The following PARP1 variants were observed in gnomAD, a reference collection of about 807,000 sequenced individuals.
The protein encoded by PARP1 is poly(ADP-ribose) polymerase 1, also known as poly [ADP-ribose] polymerase 1.
Under a neutral mutation model 118.7 loss-of-function variants are expected in PARP1, and 44 were observed. The ratio of observed to expected loss-of-function variants is 0.37; its 90% CI spans 0.29 to 0.48. The LOEUF is 0.48. PARP1 is among the 20% of genes least tolerant of loss of function. The probability of loss-of-function intolerance (pLI) is 0.99; values close to 1 mark genes in which losing one functional copy is unlikely to be tolerated. For synonymous variants in PARP1, 492 were observed against 483.2 expected (o/e 1.02, Z -0.24); for missense variants, 1,100 against 1,272.4 (o/e 0.86, Z 2.06).
At chr1:226,369,289 T>C (rs1432588348) in intron 15 of PARP1, among the ~76,000 whole-genome samples, 1 of 152,248 alleles carries the variant, frequency 6.6e-6, no homozygotes, top group African/African-American at 2.4e-5. Context: ...GGCCCACTTC[T>C]GCTTCCTGTG....
At chr1:226,388,011 A>G (rs1490945152) in intron 5 of PARP1, among the ~76,000 whole-genome samples, 1 of 152,248 alleles carries the variant, frequency 6.6e-6, no homozygotes, top group Non-Finnish European at 1.5e-5. Flanking sequence ...GATGGTTCAT[A>G]GAAATCATGT....
In PARP1 at chr1:226,361,083, A is replaced by T. The variant is rs80076717; in HGVS notation, c.*377T>A. The T allele has an allele frequency of 4.2e-3, 1,119 of 267,246 alleles. 13 individuals are homozygous for T. Among genetic ancestry groups the T allele is most frequent in the African/African-American group, 0.021 (963 of 46,056 alleles). The allele number at this position is 267,246 out of a possible 1,614,324, so 16.6% of individuals were successfully genotyped here. ...AAATCAAAACTAAAGACGAACACTT[A>T]GAAAAAAGGGTGGAAGTGTATTTTT... On this transcript the variant is annotated 3_prime_UTR_variant, in exon 23 of 23. Coordinates refer to ENST00000366794, the MANE Select transcript of PARP1 (RefSeq NM_001618.4).
Position 226,384,798 on chromosome 1 carries a change from T to C in PARP1, c.1011+706A>G, listed in dbSNP as rs149780519. ...GTAGGTGTAGAGCGAGTAATGTCGA[T>C]AGTTACTCAGGTAACGATTCCTGAG... On this transcript the variant is annotated intron_variant, in intron 7 of 22. Coordinates refer to ENST00000366794, the MANE Select transcript of PARP1 (RefSeq NM_001618.4). Among the ~76,000 whole-genome samples, 87 of 148,990 alleles carry C rather than the reference T, an allele frequency of 5.8e-4. No individual in the cohort carries two copies. The East Asian group carries it at 0.013, about 23-fold the overall frequency.
chr1:226,385,973 C>G (rs1664708954), intron 6 of PARP1, among the ~76,000 whole-genome samples: 1 of 152,172 alleles, frequency 6.6e-6, no homozygotes, highest in Non-Finnish European at 1.5e-5. Flanking sequence ...CAGTGCCAAG[C>G]CAACTCCCAA....
chr1:226,403,694 A>G (rs1239159165), intron 1 of PARP1, among the ~76,000 whole-genome samples: 1 of 152,190 alleles, frequency 6.6e-6, no homozygotes, highest in East Asian at 1.9e-4. Flanking sequence ...ATGATTTGAC[A>G]CTATGATTCC....
Position 226,390,509 on chromosome 1 carries a change from C to T in PARP1, c.518G>A (p.Arg173Gln), listed in dbSNP as rs200399922. ...GAGCTGACTCGCACTGTACTCGGGC[C>T]GGAAACCCAGCTCCTCCCTGTTCTT... is the stretch of plus-strand genomic sequence containing the variant. ...FVKNREELGF[R>Q]PEYSASQLKG... is the part of the protein sequence containing the mutation. Residue 173 changes from arginine (R) to glutamine (Q), a missense_variant, in exon 4 of 23, where the codon CGG (arginine) becomes CAG (glutamine). Arg to Gln is a conservative substitution (Grantham distance 43, BLOSUM62 1). Around this residue, in one of 2 missense-constraint regions of PARP1, gnomAD observed 948 missense variants for 1,031.8 expected, o/e 0.92. Transcript: ENST00000366794. 99 of 1,614,050 alleles carry T rather than the reference C, an allele frequency of 6.1e-5. No homozygotes were observed. The highest frequency in any genetic ancestry group is 1.2e-4 in the Admixed American group (7 of 59,998).
chr1:226,386,507 G>A (rs1321558393), intron 5 of PARP1, 65 bp from the exon 6 acceptor site: 5 of 1,044,596 alleles, frequency 4.8e-6, no homozygotes, highest in South Asian at 1.3e-5. Flanking sequence ...ACTGGAGGAG[G>A]AGCCCTGGTC....
chr1:226,388,815 A>G (rs1264692368), intron 4 of PARP1, 60 bp from the exon 5 acceptor site: 1 of 1,244,882 alleles, frequency 8.0e-7, no homozygotes, highest in African/African-American at 1.5e-5. Flanking sequence ...ACACCCAATG[A>G]CTTGCGGTGA....
rs1422206804 is a variant in PARP1 at position 226,408,064 on chromosome 1, C to G, written c.-135G>C. The G allele has an allele frequency of 1.1e-5, 14 of 1,255,764 alleles. No homozygotes were observed. Among genetic ancestry groups the G allele is most frequent in the Non-Finnish European group, 1.6e-5 (14 of 888,894 alleles). The allele number at this position is 1,255,764 out of a possible 1,614,324, so 77.8% of individuals were successfully genotyped here. A position where few individuals can be genotyped will look rare whatever the true frequency, so the allele number is the denominator to read the frequency against. Reference sequence around the variant, plus strand: ...CAGAGCCGCCACCGAACACGCCGCACCGGCCACCGCCGTTCCCTGATAGAT... The same window carrying G: ...CAGAGCCGCCACCGAACACGCCGCAGCGGCCACCGCCGTTCCCTGATAGAT... On this transcript the variant is annotated 5_prime_UTR_variant, in exon 1 of 23. Coordinates refer to ENST00000366794, the MANE Select transcript of PARP1 (RefSeq NM_001618.4).
rs918967512 is a variant in PARP1, at chr1:226,361,420, A to G, written c.*40T>C. ...GTGCAGAAGCGCTTCGGGTGAATTCATACCAGAGCCACCGGGTGTGACTCG... is the reference window on the plus strand; with the variant it reads ...GTGCAGAAGCGCTTCGGGTGAATTCGTACCAGAGCCACCGGGTGTGACTCG... On this transcript the variant is annotated 3_prime_UTR_variant, in exon 23 of 23. Transcript: ENST00000366794. 5.0e-6 allele frequency: 7 copies of G among 1,406,194 alleles called. No homozygotes were observed. The highest frequency in any genetic ancestry group is 1.7e-5 in the Admixed American group (1 of 59,552). The allele number at this position is 1,406,194 out of a possible 1,614,324, so 87.1% of individuals were successfully genotyped here.
intron 17 of PARP1, chr1:226,366,983 C>G (rs1664283155): frequency 4.5e-6 from 1 of 220,586 alleles, no homozygotes. Flanking sequence ...GCGGGGTGTT[C>G]AGAGACTGTG....
At chr1:226,362,225 G>A (rs1006426228) in intron 21 of PARP1, 142 bp from the exon 22 acceptor site, 39 of 631,672 alleles carry the variant, frequency 6.2e-5, no homozygotes, top group South Asian at 4.1e-4. Flanking sequence ...TCTCACTGTC[G>A]CCCAGGCCGG....
At chr1:226,380,241 T>C in intron 9 of PARP1, 77 bp from the exon 10 acceptor site, 2 of 1,410,542 alleles carry the variant, frequency 1.4e-6, no homozygotes, top group Non-Finnish European at 2.0e-6. Flanking sequence ...TACAGTTATA[T>C]TTAGTGTGTA....
Position 226,361,328 on chromosome 1 carries a change from TA to T in PARP1, c.*131del. The T allele has an allele frequency of 1.4e-6, 1 of 715,252 alleles. No homozygotes were observed. Among genetic ancestry groups the T allele is most frequent in the East Asian group, 2.7e-5 (1 of 37,216 alleles). 44.3% of individuals were successfully genotyped at this position (715,252 alleles called of 1,614,324 possible). ...AGAGAAAACCTTTAACACGTTTCTG[TA>T]AAATCCTTTCTGAGGTGGTTTAGTA... is the stretch of plus-strand genomic sequence containing the variant. On this transcript the variant is annotated 3_prime_UTR_variant, in exon 23 of 23. Transcript: ENST00000366794.
At chr1:226,376,617 C>T (rs1430957960) in intron 13 of PARP1, among the ~76,000 whole-genome samples, 1 of 152,248 alleles carries the variant, frequency 6.6e-6, no homozygotes, top group Non-Finnish European at 1.5e-5. Flanking sequence ...CATTTAAGCT[C>T]TATCTCATAC....
rs545200361 is a variant in PARP1 at position 226,373,641 on chromosome 1, C to T, written c.2070+585G>A. 2.0e-5 allele frequency among the ~76,000 whole-genome samples: 3 copies of T among 152,284 alleles called. No individual in the cohort carries two copies. The East Asian group carries it at 5.8e-4, about 29-fold the overall frequency. On this transcript the variant is annotated intron_variant, in intron 14 of 22. Transcript: ENST00000366794. ...CTAATCCAGCAACCACCACCCCCAC[C>T]CCACTGCCAACCTTTTAAAAACTGG...
rs372400286 is a variant in PARP1, at chr1:226,372,086, C to A, written c.2071-1569G>T. 4.9e-4 allele frequency among the ~76,000 whole-genome samples: 75 copies of A among 152,312 alleles called. 1 individual carries two copies. The highest frequency in any genetic ancestry group is 1.8e-3 in the African/African-American group (73 of 41,566). ...CTAGGGCTGCAGCCTGGAACCCTGC[C>A]CCCTGCCATGTGTCGTGACTGCCCG... On this transcript the variant is annotated intron_variant, in intron 14 of 22. Coordinates refer to ENST00000366794, the MANE Select transcript of PARP1 (RefSeq NM_001618.4).
intron 14 of PARP1, 177 bp from the exon 15 acceptor site, chr1:226,370,694 G>A: frequency 3.0e-6 from 2 of 661,290 alleles, no homozygotes; most frequent in South Asian, 3.2e-5. Flanking sequence ...CCACCATGAG[G>A]GATGGCAGTG....
Position 226,379,566 on chromosome 1 carries a change from T to G in PARP1, c.1612+7A>C. On this transcript the variant is annotated splice_region_variant and intron_variant, in intron 11 of 22. Transcript: ENST00000366794. Reference sequence around the variant, plus strand: ...AGCCCACTTTGCTGGCAGTCCTGTTTGCTTACCAGAATCAGGATCCACAGC... The same window carrying G: ...AGCCCACTTTGCTGGCAGTCCTGTTGGCTTACCAGAATCAGGATCCACAGC... The G allele has an allele frequency of 6.2e-7, 1 of 1,611,562 alleles. No homozygotes were observed. The highest frequency in any genetic ancestry group is 1.1e-5 in the South Asian group (1 of 90,872).
Sources: allele counts gnomAD v4.1 joint callset (sites outside exome capture counted in the v4.1 genomes callset), GRCh38; gene constraint gnomAD v4.1.1; regional missense constraint gnomAD v4.1.1; transcripts MANE v1.5; gene names NCBI Gene and HGNC (gene_info 2026-07-23, HGNC 2026-07-21).